Variants in C2CD2 observed in about 807,000 individuals in gnomAD.
C2CD2 encodes the protein C2 calcium dependent domain containing 2.
Under a neutral mutation model 74.3 loss-of-function variants are expected in C2CD2, and 43 were observed. That is an observed-to-expected ratio of 0.58 (90% CI 0.45 to 0.75). The LOEUF is 0.75. Among genes scored for constraint, C2CD2 ranks in the 30% least tolerant of loss-of-function variants. C2CD2 has a pLI of 0.00. For missense variants in C2CD2, 801 were observed against 916.3 expected (o/e 0.87, Z 1.63); for synonymous variants, 422 against 390.7 (o/e 1.08, Z -0.94).
intron 2 of C2CD2, among the ~76,000 whole-genome samples, chr21:41,927,095 A>C (rs1024278775): frequency 6.6e-6 from 1 of 152,246 alleles, no homozygotes; most frequent in African/African-American, 2.4e-5. Flanking sequence ...TTAGAGCTAA[A>C]GATTATCCCA....
rs553523934 is a variant in C2CD2 at position 41,914,113 on chromosome 21, C to T, written c.844+485G>A. 7.9e-5 allele frequency among the ~76,000 whole-genome samples: 12 copies of T among 152,166 alleles called. 1 individual carries two copies. In the East Asian group the frequency reaches 1.7e-3, roughly 22 times the overall value. On this transcript the variant is annotated intron_variant, in intron 6 of 13. Coordinates refer to ENST00000380486, the MANE Select transcript of C2CD2 (RefSeq NM_015500.2). Reference sequence around the variant, plus strand: ...TGGTGGTGCACGCCTGTAATCCCAGCTACTAGGGAGGCTGAGGCAGGAGAA... The same window carrying T: ...TGGTGGTGCACGCCTGTAATCCCAGTTACTAGGGAGGCTGAGGCAGGAGAA...
intron 12 of C2CD2, among the ~76,000 whole-genome samples, chr21:41,900,328 T>G (rs535113480): frequency 6.6e-6 from 1 of 152,200 alleles, no homozygotes; most frequent in African/African-American, 2.4e-5. Flanking sequence ...CCAATAAAAA[T>G]AATCACTGCG....
At chr21:41,935,593 G>A (rs555011842) in intron 2 of C2CD2, among the ~76,000 whole-genome samples, 7 of 152,242 alleles carry the variant, frequency 4.6e-5, no homozygotes, top group Middle Eastern at 3.4e-3. Flanking sequence ...AGGGCCGGGC[G>A]CGGTAGATCA....
At position 41,918,090 on chromosome 21, in the gene C2CD2, C is replaced by A; in HGVS notation, c.720+15G>T. ...ACGGGGTTCAGATGCACCCACAGCA[C>A]CCAGATGAGTTTACCTGAGCTTCCT... On this transcript the variant is annotated intron_variant, in intron 5 of 13. Coordinates refer to ENST00000380486, the MANE Select transcript of C2CD2 (RefSeq NM_015500.2). 6.2e-7 allele frequency: 1 copy of A among 1,613,994 alleles called. No homozygotes were observed. The highest frequency in any genetic ancestry group is 1.1e-5 in the South Asian group (1 of 91,064).
chr21:41,922,192 T>C (rs2065162428), intron 2 of C2CD2, 107 bp from the exon 3 acceptor site: 2 of 666,174 alleles, frequency 3.0e-6, no homozygotes, highest in Non-Finnish European at 5.2e-6. Flanking sequence ...AAGGTCTCAC[T>C]CTGTCGCCCA....
In C2CD2 at chr21:41,944,488, C is replaced by G. The variant is rs150772619; in HGVS notation, c.280-2243G>C. Reference sequence around the variant, plus strand: ...AGTGAGCCGAGATCATGCCACTGCACTTGAGCCTGGGCGACAGAGCGAGAC... The same window carrying G: ...AGTGAGCCGAGATCATGCCACTGCAGTTGAGCCTGGGCGACAGAGCGAGAC... On this transcript the variant is annotated intron_variant, in intron 1 of 13. Transcript: ENST00000380486. Among the ~76,000 whole-genome samples, 899 of 124,468 alleles carry G rather than the reference C, an allele frequency of 7.2e-3. 10 individuals are homozygous for G. Among genetic ancestry groups the G allele is most frequent in the African/African-American group, 0.026 (858 of 32,618 alleles). The allele number at this position is 124,468 out of a possible 152,430, so 81.7% of individuals were successfully genotyped here. A position where few individuals can be genotyped will look rare whatever the true frequency, so the allele number is the denominator to read the frequency against.
intron 13 of C2CD2, among the ~76,000 whole-genome samples, chr21:41,893,506 C>G (rs2064782032): frequency 6.6e-6 from 1 of 152,152 alleles, no homozygotes; most frequent in East Asian, 1.9e-4. Flanking sequence ...TTTGTTTTAA[C>G]CTCACTCCGG....
intron 1 of C2CD2, among the ~76,000 whole-genome samples, chr21:41,949,308 G>C (rs1601608171): frequency 1.3e-5 from 2 of 152,154 alleles, no homozygotes; most frequent in East Asian, 3.8e-4. Context: ...GGAGCAAAAG[G>C]AAAAGCTCAA....
chr21:41,919,024 G>T, intron 3 of C2CD2, 64 bp from the exon 4 acceptor site: 2 of 1,170,942 alleles, frequency 1.7e-6, no homozygotes, highest in Non-Finnish European at 2.5e-6. Flanking sequence ...GCACGTGCGT[G>T]TGCATGTGAC....
intron 8 of C2CD2, 116 bp downstream of exon 8, chr21:41,909,343 T>G (rs538679705): frequency 7.2e-5 from 48 of 663,450 alleles, no homozygotes; most frequent in Non-Finnish European, 1.3e-4. Context: ...CAAAGTCATT[T>G]AGAGGAGGGG....
chr21:41,891,923 C>T (rs1417568197), intron 13 of C2CD2, among the ~76,000 whole-genome samples: 8 of 152,182 alleles, frequency 5.3e-5, no homozygotes, highest in Admixed American at 4.6e-4. Flanking sequence ...GCTGGCCTGG[C>T]GTCTGTATCC....
intron 2 of C2CD2, among the ~76,000 whole-genome samples, chr21:41,940,244 G>C (rs964222096): frequency 5.3e-5 from 8 of 152,214 alleles, no homozygotes; most frequent in Non-Finnish European, 8.8e-5. Context: ...AAGTGAGCTC[G>C]GGTTCATCTG....
At chr21:41,952,447 G>A (rs12185822) in intron 1 of C2CD2, among the ~76,000 whole-genome samples, 21,289 of 152,256 alleles carry the variant, frequency 0.14, 1,867 homozygotes, top group Non-Finnish European at 0.2. Flanking sequence ...GAGCTGCACA[G>A]GCATGTGCAG....
At position 41,889,092 on chromosome 21, in the gene C2CD2, G is replaced by A. The variant is rs768211161; in HGVS notation, c.*32C>T. ...GTGAGGGTAGTTAACATGGGTGCAC[G>A]TCTTCTGGCTTGGAGGTGATGACCT... On this transcript the variant is annotated 3_prime_UTR_variant, in exon 14 of 14. Coordinates refer to ENST00000380486, the MANE Select transcript of C2CD2 (RefSeq NM_015500.2). The A allele has an allele frequency of 8.7e-5, 135 of 1,550,884 alleles. No homozygotes were observed. Among genetic ancestry groups the A allele is most frequent in the Non-Finnish European group, 1.1e-4 (127 of 1,124,944 alleles).
chr21:41,943,400 A>G (rs192003712), intron 1 of C2CD2, among the ~76,000 whole-genome samples: 6 of 152,362 alleles, frequency 3.9e-5, no homozygotes, highest in Non-Finnish European at 7.3e-5. Flanking sequence ...TATGTGACCA[A>G]CCAAGTCTTG....
rs974256060 is a variant in C2CD2 at position 41,892,180 on chromosome 21, T to A, written c.1871-2836A>T. Among the ~76,000 whole-genome samples the A allele has an allele frequency of 1.3e-4, 20 of 152,100 alleles. No homozygotes were observed. Among genetic ancestry groups the A allele is most frequent in the African/African-American group, 2.4e-5 (1 of 41,414 alleles). ...GAGACAGACACGCAAGGGAAGACAT[T>A]GTGAAGGGTCACAGGAAGGATGCCA... On this transcript the variant is annotated intron_variant, in intron 13 of 13. Coordinates refer to ENST00000380486, the MANE Select transcript of C2CD2 (RefSeq NM_015500.2). This position sits in a 1 kb window ranked among gnomAD's most constrained non-coding sequence, Gnocchi z 4.6.
intron 1 of C2CD2, among the ~76,000 whole-genome samples, chr21:41,952,006 G>A (rs931567935): frequency 1.2e-4 from 19 of 152,184 alleles, no homozygotes; most frequent in Middle Eastern, 3.2e-3. Flanking sequence ...CTTGATTCCA[G>A]GTCAGTCAGG....
At chr21:41,928,204 T>G (rs2146209184) in intron 2 of C2CD2, among the ~76,000 whole-genome samples, 1 of 152,300 alleles carries the variant, frequency 6.6e-6, no homozygotes, top group South Asian at 2.1e-4. Flanking sequence ...CACACCAACC[T>G]CCTACGCCCC....
Position 41,953,486 on chromosome 21 carries a change from C to A in C2CD2, c.163G>T (p.Gly55Trp). ...PQRRAVEPGEGPRPGSDALLS... is the reference protein window; with the variant it reads ...PQRRAVEPGEWPRPGSDALLS... ...AGCGCGTCGGACCCCGGGCGCGGCC[C>A]CTCTCCAGGCTCCACCGCCCGCCGC... The change falls in exon 1 of 14, where the codon GGG becomes TGG. Residue 55 changes from glycine (G) to tryptophan (W), a missense_variant. Transcript: ENST00000380486. The A allele has an allele frequency of 6.7e-7, 1 of 1,484,068 alleles. No homozygotes were observed. The highest frequency in any genetic ancestry group is 9.0e-7 in the Non-Finnish European group (1 of 1,115,642). 91.9% of individuals were successfully genotyped at this position (1,484,068 alleles called of 1,614,324 possible).
Sources: gnomAD v4.1 joint callset for allele counts (sites outside exome capture counted in the v4.1 genomes callset) on GRCh38, gnomAD v4.1.1 for gene constraint, Gnocchi (gnomAD v3.1) non-coding constraint, MANE v1.5 for transcripts, NCBI Gene and HGNC (gene_info 2026-07-23, HGNC 2026-07-21) for gene names.